CNTNAP5: variants seen among roughly 807,000 people sequenced by gnomAD.
CNTNAP5 encodes the protein contactin associated protein family member 5.
A neutral mutation model predicts 150.2 loss-of-function variants in CNTNAP5; 72 were observed. The ratio of observed to expected loss-of-function variants is 0.48; its 90% CI spans 0.40 to 0.58. The LOEUF is 0.58. Ranked by LOEUF, CNTNAP5 falls within the 20% of genes least tolerant of loss-of-function variation. The pLI, the probability that CNTNAP5 is intolerant of heterozygous loss-of-function variation, is 0.00. For synonymous variants in CNTNAP5, 672 were observed against 619.8 expected (o/e 1.08, Z -1.25); for missense variants, 1,636 against 1,626.2 (o/e 1.01, Z -0.10).
chr2:124,721,807 C>T (rs767571334), intron 13 of CNTNAP5, among the ~76,000 whole-genome samples: 25 of 152,084 alleles, frequency 1.6e-4, no homozygotes, highest in Non-Finnish European at 3.4e-4. Flanking sequence ...AACAAAATGC[C>T]ACAGATTGAG....
At chr2:124,194,570 C>A (rs1685538930) in intron 1 of CNTNAP5, among the ~76,000 whole-genome samples, 1 of 150,702 alleles carries the variant, frequency 6.6e-6, no homozygotes, top group Non-Finnish European at 1.5e-5. Flanking sequence ...TGGTTTACTT[C>A]CAATCAAACT....
chr2:124,840,303 A>G (rs967376241), intron 19 of CNTNAP5, among the ~76,000 whole-genome samples: 4 of 152,088 alleles, frequency 2.6e-5, no homozygotes, highest in African/African-American at 9.7e-5. Flanking sequence ...GATATTCTAG[A>G]GAAAGGATGG....
intron 6 of CNTNAP5, among the ~76,000 whole-genome samples, chr2:124,451,051 A>ATGT (rs1553469334): frequency 3.1e-5 from 2 of 65,308 alleles, no homozygotes; most frequent in African/African-American, 1.4e-4. Context: ...AAAAAAAAAA[A>ATGT]ATATATATAT....
At chr2:124,462,870 GT>G (rs951102274) in intron 6 of CNTNAP5, among the ~76,000 whole-genome samples, 2 of 152,176 alleles carry the variant, frequency 1.3e-5, no homozygotes, top group African/African-American at 4.8e-5. Flanking sequence ...TACCCCACAG[GT>G]CAAAGTTCTG....
At chr2:124,488,429 C>A (rs1186391744) in intron 7 of CNTNAP5, among the ~76,000 whole-genome samples, 3 of 152,142 alleles carry the variant, frequency 2.0e-5, no homozygotes, top group Non-Finnish European at 2.9e-5. Flanking sequence ...AAAGTAACTT[C>A]CCCAAGATAC....
At chr2:124,234,482 T>G (rs901362696) in intron 2 of CNTNAP5, among the ~76,000 whole-genome samples, 1 of 152,224 alleles carries the variant, frequency 6.6e-6, no homozygotes, top group African/African-American at 2.4e-5. Flanking sequence ...TAAATTTAAA[T>G]ATTCACTACC....
At chr2:124,896,241 C>G (rs1480857445) in intron 21 of CNTNAP5, among the ~76,000 whole-genome samples, 1 of 151,358 alleles carries the variant, frequency 6.6e-6, no homozygotes, top group African/African-American at 2.5e-5. Flanking sequence ...ATATGTTTAT[C>G]AAGGTCAAGA....
Position 124,237,753 on chromosome 2 carries a change from C to T in CNTNAP5, c.188-4447C>T, listed in dbSNP as rs115227777. Among the ~76,000 whole-genome samples, 1,189 of 152,128 alleles carry T rather than the reference C, an allele frequency of 7.8e-3. 15 individuals are homozygous for T. The highest frequency in any genetic ancestry group is 0.026 in the African/African-American group (1,098 of 41,516). ...TCGGGAGGCTAAGTTGGGAGAATCGCGTCAACCCATGAGGCAGAGGTTGAA... is the reference window on the plus strand; with the variant it reads ...TCGGGAGGCTAAGTTGGGAGAATCGTGTCAACCCATGAGGCAGAGGTTGAA... On this transcript the variant is annotated intron_variant, in intron 2 of 23. Transcript: ENST00000682447.
intron 19 of CNTNAP5, among the ~76,000 whole-genome samples, chr2:124,806,570 G>A (rs1285312767): frequency 6.6e-6 from 1 of 152,098 alleles, no homozygotes; most frequent in African/African-American, 2.4e-5. Context: ...CAGTTTAAAC[G>A]ACTCTTCAGA....
At chr2:124,040,099 A>G (rs553703478) in intron 1 of CNTNAP5, among the ~76,000 whole-genome samples, 1 of 152,318 alleles carries the variant, frequency 6.6e-6, no homozygotes, top group East Asian at 1.9e-4. Flanking sequence ...TCTGAAATCA[A>G]ATGCTGTTGG....
At chr2:124,636,407 G>A (rs1353250878) in intron 12 of CNTNAP5, among the ~76,000 whole-genome samples, 2 of 151,954 alleles carry the variant, frequency 1.3e-5, no homozygotes, top group African/African-American at 4.8e-5. Flanking sequence ...CTGGTTTCTT[G>A]GTGTTTCTGG....
chr2:124,539,422 T>C (rs1448193132), intron 10 of CNTNAP5, among the ~76,000 whole-genome samples: 1 of 152,190 alleles, frequency 6.6e-6, no homozygotes, highest in Non-Finnish European at 1.5e-5. Flanking sequence ...GGTTGTCAAC[T>C]GAGAAAATCG....
intron 4 of CNTNAP5, among the ~76,000 whole-genome samples, chr2:124,429,023 G>A (rs1692306021): frequency 6.6e-6 from 1 of 152,074 alleles, no homozygotes. Context: ...CACAAATAAA[G>A]ATTTTGATTT....
chr2:124,356,502 C>G (rs986451327), intron 3 of CNTNAP5, among the ~76,000 whole-genome samples: 4 of 140,160 alleles, frequency 2.9e-5, no homozygotes, highest in African/African-American at 1.1e-4. Context: ...ATTCCCCTTC[C>G]TGTGTCCATG....
At chr2:124,663,268 T>C (rs2105047573) in intron 13 of CNTNAP5, among the ~76,000 whole-genome samples, 1 of 152,290 alleles carries the variant, frequency 6.6e-6, no homozygotes, top group African/African-American at 2.4e-5. Context: ...AGACGCCAGT[T>C]AGACATTCGC....
chr2:124,152,025 T>C (rs1684417191), intron 1 of CNTNAP5, among the ~76,000 whole-genome samples: 1 of 152,198 alleles, frequency 6.6e-6, no homozygotes, highest in African/African-American at 2.4e-5. Context: ...GCACTTGCCA[T>C]ATGGTGACTC....
At chr2:124,315,428 G>C (rs1228627653) in intron 3 of CNTNAP5, among the ~76,000 whole-genome samples, 2 of 152,150 alleles carry the variant, frequency 1.3e-5, no homozygotes, top group African/African-American at 2.4e-5. Flanking sequence ...AGGGTTCCAA[G>C]GAGGTGCCTC....
chr2:124,640,654 G>A (rs1369706243), intron 12 of CNTNAP5, among the ~76,000 whole-genome samples: 1 of 152,120 alleles, frequency 6.6e-6, no homozygotes, highest in African/African-American at 2.4e-5. Flanking sequence ...TACACCAATT[G>A]TCTCCCTTCC....
At chr2:124,426,807 G>A (rs914706954) in intron 4 of CNTNAP5, among the ~76,000 whole-genome samples, 1 of 152,176 alleles carries the variant, frequency 6.6e-6, no homozygotes, top group African/African-American at 2.4e-5. Context: ...ACAAGCTGTG[G>A]CAGCCAGGTC....
Sources: allele counts gnomAD v4.1 joint callset (sites outside exome capture counted in the v4.1 genomes callset), GRCh38; gene constraint gnomAD v4.1.1; transcripts MANE v1.5; gene names NCBI Gene and HGNC (gene_info 2026-07-23, HGNC 2026-07-21).